WWOX: variants seen among roughly 807,000 people sequenced by gnomAD.
WWOX encodes WW domain containing oxidoreductase, also known as WW domain-containing oxidoreductase.
A neutral mutation model predicts 46.2 loss-of-function variants in WWOX; 69 were observed. The observed-to-expected ratio is 1.49, with a 90% CI of 1.23 to 1.82. WWOX has a LOEUF of 1.82. WWOX is among the 40% of genes most tolerant of loss of function. The pLI, the probability that WWOX is intolerant of heterozygous loss-of-function variation, is 0.00. For missense variants in WWOX, 919 were observed against 542.6 expected, an observed-to-expected ratio of 1.69 and a Z score of -6.89; for synonymous variants, 359 against 202.6, an observed-to-expected ratio of 1.77 and a Z score of -6.56.
At chr16:78,636,243 G>T (rs1407122825) in intron 8 of WWOX, among the ~76,000 whole-genome samples, 1 of 152,124 alleles carries the variant, frequency 6.6e-6, no homozygotes, top group Non-Finnish European at 1.5e-5. Flanking sequence ...CAAATGCAAG[G>T]GGAGGGAGCT....
chr16:78,514,354 G>C (rs1355702404), intron 8 of WWOX, among the ~76,000 whole-genome samples: 2 of 152,150 alleles, frequency 1.3e-5, no homozygotes, highest in African/African-American at 4.8e-5. Flanking sequence ...CTTGAAAACA[G>C]CTTGTGAGTT....
chr16:78,360,861 C>G (rs1229248567), intron 5 of WWOX, among the ~76,000 whole-genome samples: 1 of 151,778 alleles, frequency 6.6e-6, no homozygotes, highest in Non-Finnish European at 1.5e-5. Flanking sequence ...CACTCTGTCA[C>G]CCAGGCTGGA....
intron 8 of WWOX, among the ~76,000 whole-genome samples, chr16:78,731,301 A>G (rs563677717): frequency 2.1e-4 from 32 of 152,264 alleles, no homozygotes; most frequent in South Asian, 4.2e-4. Context: ...GCACGCTCAC[A>G]TGAAGCTGCC....
At chr16:78,840,108 C>A (rs760032107) in intron 8 of WWOX, among the ~76,000 whole-genome samples, 8 of 152,130 alleles carry the variant, frequency 5.3e-5, no homozygotes, top group Admixed American at 3.9e-4. Context: ...AAGTTGTATG[C>A]AAAATAAGTT....
At chr16:79,063,586 G>A (rs1255158649) in intron 8 of WWOX, among the ~76,000 whole-genome samples, 1 of 152,170 alleles carries the variant, frequency 6.6e-6, no homozygotes, top group Non-Finnish European at 1.5e-5. Flanking sequence ...AGCGGATTTG[G>A]AAACAAGGTT....
At chr16:78,560,742 G>T (rs1000361738) in intron 8 of WWOX, among the ~76,000 whole-genome samples, 1 of 152,080 alleles carries the variant, frequency 6.6e-6, no homozygotes, top group African/African-American at 2.4e-5. Context: ...AGCAGCTATG[G>T]TGATTGAGTT....
intron 8 of WWOX, among the ~76,000 whole-genome samples, chr16:79,037,549 G>A (rs1038794604): frequency 6.6e-6 from 1 of 152,146 alleles, no homozygotes; most frequent in African/African-American, 2.4e-5. Flanking sequence ...GAGTGACAGA[G>A]ACCACATTTA....
chr16:78,588,237 C>G (rs1317669193), intron 8 of WWOX, among the ~76,000 whole-genome samples: 2 of 152,218 alleles, frequency 1.3e-5, no homozygotes, highest in Non-Finnish European at 2.9e-5. Context: ...ACAATAGCCT[C>G]AAACTTGAAC....
At chr16:78,962,812 A>C (rs1274631147) in intron 8 of WWOX, among the ~76,000 whole-genome samples, 1 of 152,224 alleles carries the variant, frequency 6.6e-6, no homozygotes, top group Non-Finnish European at 1.5e-5. Flanking sequence ...AAGAAGTACC[A>C]TCAGCATTAA....
intron 8 of WWOX, among the ~76,000 whole-genome samples, chr16:78,914,984 G>GTAT (rs994389732): frequency 2.0e-5 from 3 of 151,592 alleles, no homozygotes; most frequent in Admixed American, 2.0e-4. Flanking sequence ...CCAGGGTCAT[G>GTAT]TATTAGGTGG....
chr16:78,562,913 A>G (rs984657809), intron 8 of WWOX, among the ~76,000 whole-genome samples: 3 of 152,130 alleles, frequency 2.0e-5, no homozygotes, highest in East Asian at 1.9e-4. Context: ...AGTTAATTAC[A>G]TAAAGAGAAC....
chr16:78,987,464 T>C (rs2046804500), intron 8 of WWOX, among the ~76,000 whole-genome samples: 1 of 152,192 alleles, frequency 6.6e-6, no homozygotes, highest in Non-Finnish European at 1.5e-5. Context: ...CTAGCAACTC[T>C]CGAGAGGATG....
intron 8 of WWOX, among the ~76,000 whole-genome samples, chr16:79,072,247 C>T (rs1241774109): frequency 6.6e-6 from 1 of 152,170 alleles, no homozygotes; most frequent in Non-Finnish European, 1.5e-5. Flanking sequence ...GATCATACCA[C>T]TGCAATCTAG....
intron 8 of WWOX, among the ~76,000 whole-genome samples, chr16:78,685,951 G>A (rs1180801426): frequency 6.6e-6 from 1 of 151,884 alleles, no homozygotes; most frequent in South Asian, 2.1e-4. Context: ...GGAGAGACAT[G>A]GACCCACGGG....
chr16:79,028,258 T>A (rs1428023248), intron 8 of WWOX, among the ~76,000 whole-genome samples: 1 of 151,852 alleles, frequency 6.6e-6, no homozygotes. Flanking sequence ...TGCTTTATTT[T>A]CCTTTGTGTT....
At chr16:78,175,413 T>C (rs1158225932) in intron 5 of WWOX, among the ~76,000 whole-genome samples, 1 of 152,232 alleles carries the variant, frequency 6.6e-6, no homozygotes, top group Non-Finnish European at 1.5e-5. Flanking sequence ...GAATATGGGC[T>C]GTACTTAGTG....
At chr16:78,248,899 G>C (rs1425679853) in intron 5 of WWOX, among the ~76,000 whole-genome samples, 15 of 109,010 alleles carry the variant, frequency 1.4e-4, no homozygotes, top group Non-Finnish European at 2.3e-4. Flanking sequence ...GCAGAGTCTT[G>C]CTCCATCACC....
intron 7 of WWOX, among the ~76,000 whole-genome samples, chr16:78,429,235 A>G (rs964501488): frequency 1.5e-4 from 23 of 152,340 alleles, no homozygotes; most frequent in African/African-American, 5.3e-4. Flanking sequence ...TACAGATAGA[A>G]CAGAAGGATG....
intron 5 of WWOX, among the ~76,000 whole-genome samples, chr16:78,256,790 C>G (rs1020004551): frequency 2.0e-5 from 3 of 152,020 alleles, no homozygotes; most frequent in Non-Finnish European, 4.4e-5. Context: ...CTCAGACGCC[C>G]CCCTTTAGAA....
Sources: allele counts gnomAD v4.1 joint callset (sites outside exome capture counted in the v4.1 genomes callset), GRCh38; gene constraint gnomAD v4.1.1; transcripts MANE v1.5; gene names NCBI Gene and HGNC (gene_info 2026-07-23, HGNC 2026-07-21).